The following PRIM2 variants were observed in gnomAD, a reference collection of about 807,000 sequenced individuals.
PRIM2 encodes DNA primase large subunit.
PRIM2 carries 39 observed loss-of-function variants against 67.3 expected under a neutral mutation model. The ratio of observed to expected loss-of-function variants is 0.58; its 90% CI spans 0.45 to 0.76. The LOEUF is 0.76. PRIM2 is among the 30% of genes least tolerant of loss of function. The pLI is 0.00. For synonymous variants in PRIM2, 143 were observed against 198.7 expected, an observed-to-expected ratio of 0.72 and a Z score of 2.36; for missense variants, 398 against 598.7, an observed-to-expected ratio of 0.66 and a Z score of 3.50.
At chr6:57,484,634 C>T (rs1248980759) in intron 7 of PRIM2, among the ~76,000 whole-genome samples, 4 of 152,116 alleles carry the variant, frequency 2.6e-5, no homozygotes, top group African/African-American at 7.2e-5. Context: ...CTTGGTTTTT[C>T]CTTCACTATG....
At chr6:57,563,603 T>C (rs1215845017) in intron 10 of PRIM2, among the ~76,000 whole-genome samples, 1 of 152,226 alleles carries the variant, frequency 6.6e-6, no homozygotes, top group African/African-American at 2.4e-5. Flanking sequence ...AGTCATTGAA[T>C]TTTGCAAACA....
chr6:57,569,772 G>C (rs1775825863), intron 10 of PRIM2, among the ~76,000 whole-genome samples: 1 of 151,330 alleles, frequency 6.6e-6, no homozygotes. Flanking sequence ...TTTTGAGATG[G>C]AGTCTTGCTC....
In PRIM2 at chr6:57,592,980, T is replaced by C. The variant is rs1283772535; in HGVS notation, c.1021-8113T>C. Among the ~76,000 whole-genome samples the C allele has an allele frequency of 2.3e-3, 350 of 152,190 alleles. 1 individual carries two copies. Among genetic ancestry groups the C allele is most frequent in the Non-Finnish European group, 3.8e-3 (258 of 67,984 alleles). ...AAGGTCACTAGACCCTGGGTGGGCT[T>C]GGGATAGAAGACAAAGTTGTGAAAG... On this transcript the variant is annotated intron_variant, in intron 10 of 13. Coordinates refer to ENST00000615550, the MANE Select transcript of PRIM2 (RefSeq NM_000947.5).
intron 7 of PRIM2, among the ~76,000 whole-genome samples, chr6:57,456,665 G>T (rs919496057): frequency 0.012 from 1,803 of 151,858 alleles, 21 homozygotes; most frequent in Middle Eastern, 0.048. Flanking sequence ...CTCTGCACTG[G>T]TTATTCTAGT....
At chr6:57,273,034 A>C in the PRIM2 span, among the ~76,000 whole-genome samples, 2 of 152,096 alleles carry the variant, frequency 1.3e-5, no homozygotes, top group African/African-American at 4.8e-5. Flanking sequence ...GGGTAACCCG[A>C]CCTTTCTCTC....
At chr6:57,608,170 C>A (rs1239642706) in intron 12 of PRIM2, among the ~76,000 whole-genome samples, 2 of 151,842 alleles carry the variant, frequency 1.3e-5, no homozygotes, top group Non-Finnish European at 2.9e-5. Flanking sequence ...GAAGACTGAA[C>A]AGAAATGGGG....
At chr6:57,337,285 A>G (rs1360348393) in intron 5 of PRIM2, among the ~76,000 whole-genome samples, 1 of 152,200 alleles carries the variant, frequency 6.6e-6, no homozygotes, top group Non-Finnish European at 1.5e-5. Context: ...CCCACTGTCA[A>G]CATTAGACAG....
At chr6:57,291,168 A>C in the PRIM2 span, among the ~76,000 whole-genome samples, 6 of 152,198 alleles carry the variant, frequency 3.9e-5, no homozygotes, top group African/African-American at 1.4e-4. Flanking sequence ...TAAAGGGGTT[A>C]TCACCACCAA....
intron 11 of PRIM2, among the ~76,000 whole-genome samples, chr6:57,602,037 G>T (rs1229204181): frequency 6.6e-6 from 1 of 151,264 alleles, no homozygotes; most frequent in African/African-American, 2.4e-5. Context: ...AGACAGATAA[G>T]ATAGATCTAT....
rs1392979951 is a variant in PRIM2 at position 57,480,652 on chromosome 6, T to C, written c.694-26735T>C. Among the ~76,000 whole-genome samples, 72 of 152,282 alleles carry C rather than the reference T, an allele frequency of 4.7e-4. 1 individual carries two copies. In the East Asian group the frequency reaches 0.012, roughly 26 times the overall value. On this transcript the variant is annotated intron_variant, in intron 7 of 13. Transcript: ENST00000615550. ...TTTCTTTTCTTCTTCCTTTTTGAGA[T>C]GGAGTCTCACTCTGTCGCCAGGCTG...
At chr6:57,360,376 A>G (rs543426002) in intron 5 of PRIM2, among the ~76,000 whole-genome samples, 104 of 152,208 alleles carry the variant, frequency 6.8e-4, no homozygotes, top group African/African-American at 2.4e-3. Context: ...AATGCTTTAT[A>G]TTGGCTCTTG....
chr6:57,469,558 T>C (rs1205071138), intron 7 of PRIM2, among the ~76,000 whole-genome samples: 1 of 152,224 alleles, frequency 6.6e-6, no homozygotes, highest in African/African-American at 2.4e-5. Flanking sequence ...ATATGACTTA[T>C]TGATTTTTGG....
the PRIM2 span, among the ~76,000 whole-genome samples, chr6:57,263,939 G>A: frequency 6.6e-6 from 1 of 152,196 alleles, no homozygotes; most frequent in East Asian, 1.9e-4. Context: ...CAATCCTTCA[G>A]ACTAGAGCGT....
chr6:57,264,836 T>A, the PRIM2 span, among the ~76,000 whole-genome samples: 1 of 152,100 alleles, frequency 6.6e-6, no homozygotes, highest in African/African-American at 2.4e-5. Context: ...GACCTTGTGA[T>A]CTGCCCACTG....
At chr6:57,304,528 C>A in the PRIM2 span, among the ~76,000 whole-genome samples, 24 of 152,300 alleles carry the variant, frequency 1.6e-4, no homozygotes, top group African/African-American at 5.8e-4. Flanking sequence ...CACAAAACAA[C>A]ATAATTGCTT....
chr6:57,645,049 C>G (rs1777310722), intron 13 of PRIM2, among the ~76,000 whole-genome samples: 1 of 151,952 alleles, frequency 6.6e-6, no homozygotes, highest in African/African-American at 2.4e-5. Context: ...CAAGGAAAGG[C>G]CAAGATTAGA....
At chr6:57,404,734 G>C (rs1407164131) in intron 7 of PRIM2, among the ~76,000 whole-genome samples, 27 of 150,016 alleles carry the variant, frequency 1.8e-4, no homozygotes, top group African/African-American at 6.1e-4. Context: ...TTATGATGCA[G>C]CATAAACCAG....
chr6:57,273,246 C>T, the PRIM2 span, among the ~76,000 whole-genome samples: 84 of 152,300 alleles, frequency 5.5e-4, no homozygotes, highest in East Asian at 1.7e-3. Flanking sequence ...CCATTCTCCC[C>T]GTCACTTTCA....
chr6:57,332,595 AC>A (rs1246827659), intron 5 of PRIM2, among the ~76,000 whole-genome samples: 1 of 151,404 alleles, frequency 6.6e-6, no homozygotes, highest in Non-Finnish European at 1.5e-5. Context: ...TGATGGGTTG[AC>A]CCTTTTATCA....
Sources: gnomAD v4.1 joint callset for allele counts (sites outside exome capture counted in the v4.1 genomes callset) on GRCh38, gnomAD v4.1.1 for gene constraint, MANE v1.5 for transcripts, NCBI Gene and HGNC (gene_info 2026-07-23, HGNC 2026-07-21) for gene names.